CDKL5: variants seen among roughly 807,000 people sequenced by gnomAD.
CDKL5 encodes cyclin dependent kinase like 5.
CDKL5 carries 8 observed loss-of-function variants against 61.7 expected under a neutral mutation model. The ratio of observed to expected loss-of-function variants is 0.13; its 90% CI spans 0.08 to 0.23. CDKL5 has a LOEUF of 0.23. Ranked by LOEUF, CDKL5 falls within the 10% of genes least tolerant of loss-of-function variation. CDKL5 has a pLI of 1.00. For synonymous variants in CDKL5, 275 were observed against 272.3 expected, an observed-to-expected ratio of 1.01 and a Z score of -0.10; for missense variants, 440 against 734.5, an observed-to-expected ratio of 0.60 and a Z score of 4.63.
intron 1 of CDKL5, among the ~76,000 whole-genome samples, chrX:18,474,031 G>T (rs772184296): frequency 7.3e-5 from 8 of 109,113 alleles, no homozygotes; most frequent in South Asian, 8.0e-4. Flanking sequence ...ACCACACCAG[G>T]GTAATTTTTG....
intron 17 of CDKL5, chrX:18,627,141 T>G (rs948354282): frequency 9.0e-6 from 1 of 111,305 alleles, no homozygotes; most frequent in Non-Finnish European, 1.9e-5. Flanking sequence ...GCTCTGCTAC[T>G]TCCTGTAGGG....
intron 17 of CDKL5, chrX:18,627,411 G>A (rs1299015733): frequency 8.9e-6 from 1 of 112,159 alleles, no homozygotes. Context: ...GGCTAGGGTT[G>A]TAGCCCAAGT....
At chrX:18,500,313 CTT>C (rs1418033653) in intron 1 of CDKL5, among the ~76,000 whole-genome samples, 1 of 111,704 alleles carries the variant, frequency 9.0e-6, no homozygotes, top group Non-Finnish European at 1.9e-5. Context: ...CAATTCCACT[CTT>C]TTAGTTATTT....
chrX:18,473,841 C>T (rs1325560613), intron 1 of CDKL5, among the ~76,000 whole-genome samples: 1 of 107,681 alleles, frequency 9.3e-6, no homozygotes, highest in Non-Finnish European at 1.9e-5. Flanking sequence ...TTTTAAAGAC[C>T]TGGGGGTGGG....
chrX:18,612,654 A>T (rs1016352511), intron 14 of CDKL5, among the ~76,000 whole-genome samples: 1 of 94,002 alleles, frequency 1.1e-5, no homozygotes, highest in Non-Finnish European at 2.1e-5. Context: ...TCTCTTATTT[A>T]AAAAAAAAAA....
At chrX:18,613,568 T>G (rs916760744) in intron 15 of CDKL5, among the ~76,000 whole-genome samples, 1 of 112,171 alleles carries the variant, frequency 8.9e-6, no homozygotes, top group African/African-American at 3.2e-5. Context: ...CTCCTTTTGT[T>G]GACATTGAGC....
chrX:18,508,253 A>G (rs539825712), intron 2 of CDKL5, among the ~76,000 whole-genome samples: 4 of 112,697 alleles, frequency 3.5e-5, no homozygotes, highest in Middle Eastern at 4.6e-3. Context: ...ACCTATGTGA[A>G]CAGCAAAGCT....
intron 1 of CDKL5, among the ~76,000 whole-genome samples, chrX:18,467,166 C>G (rs905060146): frequency 1.4e-4 from 15 of 110,303 alleles, no homozygotes; most frequent in Non-Finnish European, 2.7e-4. Context: ...CTAAGAACAA[C>G]TTGTGTTCAT....
intron 3 of CDKL5, among the ~76,000 whole-genome samples, chrX:18,515,760 C>T (rs772931580): frequency 8.1e-5 from 9 of 111,308 alleles, no homozygotes; most frequent in Admixed American, 2.9e-4. Flanking sequence ...GCTAGACACT[C>T]TACTAGATGT....
At chrX:18,435,922 C>A (rs1312439011) in intron 1 of CDKL5, among the ~76,000 whole-genome samples, 2 of 110,788 alleles carry the variant, frequency 1.8e-5, no homozygotes, top group African/African-American at 6.6e-5. Flanking sequence ...TGTACTTGAC[C>A]CTTGAACAAG....
intron 1 of CDKL5, among the ~76,000 whole-genome samples, chrX:18,498,309 C>T (rs1322793804): frequency 8.9e-6 from 1 of 112,137 alleles, no homozygotes; most frequent in African/African-American, 3.2e-5. Flanking sequence ...GCTGTTGTAT[C>T]AGTTTTCTGT....
At chrX:18,498,091 A>G (rs999321939) in intron 1 of CDKL5, among the ~76,000 whole-genome samples, 13 of 110,667 alleles carry the variant, frequency 1.2e-4, no homozygotes, top group African/African-American at 4.3e-4. Flanking sequence ...CAGCCTTCCA[A>G]AGTGCCGCCT....
chrX:18,486,518 C>T lies in CDKL5; in HGVS notation c.-162-20417C>T, dbSNP rs201869495. Among the ~76,000 whole-genome samples the T allele has an allele frequency of 2.7e-5, 3 of 111,996 alleles. No individual in the cohort carries two copies. The East Asian group carries it at 8.4e-4, about 31-fold the overall frequency. ...AATGTCAGATGTTTTGCTTAAAAAG[C>T]GGTCAAGCACAATGGCATATAGCCT... On this transcript the variant is annotated intron_variant, in intron 1 of 17. Coordinates refer to ENST00000623535, the MANE Select transcript of CDKL5 (RefSeq NM_001323289.2).
chrX:18,427,510 G>A (rs1193870613), intron 1 of CDKL5, among the ~76,000 whole-genome samples: 1 of 110,183 alleles, frequency 9.1e-6, no homozygotes, highest in African/African-American at 3.3e-5. Context: ...CATTCCAAGA[G>A]TGTTAGATAT....
chrX:18,436,029 T>C (rs1447415815), intron 1 of CDKL5, among the ~76,000 whole-genome samples: 2 of 111,974 alleles, frequency 1.8e-5, no homozygotes, highest in African/African-American at 3.3e-5. Context: ...TACTGTTGAC[T>C]GGAAGCCTTA....
intron 21 of CDKL5, among the ~76,000 whole-genome samples, chrX:18,651,514 G>A (rs1928048346): frequency 9.0e-6 from 1 of 111,041 alleles, no homozygotes; most frequent in Admixed American, 9.5e-5. Flanking sequence ...GGGCTTGGGA[G>A]CCCTAAGCTC....
intron 1 of CDKL5, among the ~76,000 whole-genome samples, chrX:18,442,973 G>A (rs1182532305): frequency 3.6e-5 from 4 of 111,503 alleles, no homozygotes; most frequent in Non-Finnish European, 5.6e-5. Flanking sequence ...CAAGAGTTTG[G>A]AATGATTTAC....
chrX:18,612,933 C>T (rs1926603085), intron 14 of CDKL5, among the ~76,000 whole-genome samples: 1 of 108,456 alleles, frequency 9.2e-6, no homozygotes, highest in Admixed American at 9.9e-5. Flanking sequence ...ACTGCTTTGA[C>T]CAAAAGAGAA....
At chrX:18,473,172 T>G (rs1174202875) in intron 1 of CDKL5, among the ~76,000 whole-genome samples, 1 of 109,808 alleles carries the variant, frequency 9.1e-6, no homozygotes, top group Non-Finnish European at 1.9e-5. Flanking sequence ...TTGGACAGGC[T>G]GATCTCGAGC....
Sources: gnomAD v4.1 joint callset for allele counts (sites outside exome capture counted in the v4.1 genomes callset) on GRCh38, gnomAD v4.1.1 for gene constraint, MANE v1.5 for transcripts, NCBI Gene and HGNC (gene_info 2026-07-23, HGNC 2026-07-21) for gene names.